KHDRBS2: variants seen among roughly 807,000 people sequenced by gnomAD.
KHDRBS2 encodes the protein KH domain-containing, RNA-binding, signal transduction-associated protein 2.
A neutral mutation model predicts 44.3 loss-of-function variants in KHDRBS2; 26 were observed. That is an observed-to-expected ratio of 0.59 (90% CI 0.43 to 0.81). The LOEUF (loss-of-function observed/expected upper bound fraction) is 0.81. KHDRBS2 is among the 40% of genes least tolerant of loss of function. The probability of loss-of-function intolerance (pLI) is 0.00; values close to 1 mark genes in which losing one functional copy is unlikely to be tolerated. For synonymous variants in KHDRBS2, 194 were observed against 151.1 expected, an observed-to-expected ratio of 1.28 and a Z score of -2.08; for missense variants, 476 against 433.1, an observed-to-expected ratio of 1.10 and a Z score of -0.88.
At chr6:61,955,216 ATG>A (rs879708385) in intron 4 of KHDRBS2, among the ~76,000 whole-genome samples, 5 of 145,188 alleles carry the variant, frequency 3.4e-5, no homozygotes, top group Non-Finnish European at 7.6e-5. Context: ...ATGTATACAT[ATG>A]TGTATATATA....
chr6:62,229,759 CT>C (rs1832593739), intron 1 of KHDRBS2, among the ~76,000 whole-genome samples: 1 of 152,156 alleles, frequency 6.6e-6, no homozygotes, highest in African/African-American at 2.4e-5. Flanking sequence ...TCCCCTGCCC[CT>C]TGTGGCTCTC....
chr6:61,608,569 C>T, the KHDRBS2 span, among the ~76,000 whole-genome samples: 4 of 152,012 alleles, frequency 2.6e-5, no homozygotes, highest in Admixed American at 1.3e-4. Context: ...AGTATCCCTC[C>T]TAATGTTATC....
chr6:61,930,395 G>T (rs1160888965), intron 4 of KHDRBS2, among the ~76,000 whole-genome samples: 1 of 151,806 alleles, frequency 6.6e-6, no homozygotes, highest in African/African-American at 2.4e-5. Flanking sequence ...TGTTAAGAAA[G>T]AACTAGTTCT....
At chr6:62,168,191 C>T (rs1432421950) in intron 2 of KHDRBS2, among the ~76,000 whole-genome samples, 1 of 152,244 alleles carries the variant, frequency 6.6e-6, no homozygotes, top group South Asian at 2.1e-4. Flanking sequence ...GGGAATGTGG[C>T]TGCATTTGAT....
the KHDRBS2 span, among the ~76,000 whole-genome samples, chr6:61,656,311 G>T: frequency 6.6e-6 from 1 of 151,880 alleles, no homozygotes; most frequent in African/African-American, 2.4e-5. Flanking sequence ...GCACTTTTTT[G>T]AGTGCATCAT....
At chr6:62,155,670 T>G (rs1361584334) in intron 2 of KHDRBS2, among the ~76,000 whole-genome samples, 1 of 152,224 alleles carries the variant, frequency 6.6e-6, no homozygotes, top group African/African-American at 2.4e-5. Context: ...GCTAAACTAT[T>G]GTTTCTGTAA....
chr6:61,849,632 G>C (rs1037221820), intron 6 of KHDRBS2, among the ~76,000 whole-genome samples: 1 of 144,362 alleles, frequency 6.9e-6, no homozygotes, highest in African/African-American at 2.5e-5. Context: ...GAGAAACAAA[G>C]TTTTTTTTTT....
intron 1 of KHDRBS2, among the ~76,000 whole-genome samples, chr6:62,249,368 G>A (rs1366789080): frequency 6.6e-6 from 1 of 151,892 alleles, no homozygotes; most frequent in Non-Finnish European, 1.5e-5. Context: ...AAAATAATAA[G>A]AGAATATTTT....
chr6:61,593,581 A>G, the KHDRBS2 span, among the ~76,000 whole-genome samples: 1 of 151,730 alleles, frequency 6.6e-6, no homozygotes, highest in East Asian at 1.9e-4. Flanking sequence ...AATAAATTTT[A>G]GTCTTATTAT....
chr6:62,052,124 C>A (rs1452328860), intron 2 of KHDRBS2, among the ~76,000 whole-genome samples: 2 of 151,968 alleles, frequency 1.3e-5, no homozygotes, highest in Non-Finnish European at 2.9e-5. Flanking sequence ...ACCCAACAAT[C>A]CCTCTCCTGG....
chr6:62,253,846 T>C (rs1836941444), intron 1 of KHDRBS2, among the ~76,000 whole-genome samples: 1 of 151,988 alleles, frequency 6.6e-6, no homozygotes, highest in African/African-American at 2.4e-5. Flanking sequence ...TATTGCAAAA[T>C]CATAAAATTT....
chr6:61,544,927 T>C, the KHDRBS2 span, among the ~76,000 whole-genome samples: 1 of 151,878 alleles, frequency 6.6e-6, no homozygotes, highest in Non-Finnish European at 1.5e-5. Context: ...CTGGGGCCTG[T>C]TGTGAGGTGG....
rs1336102031 is a variant in KHDRBS2, at chr6:62,062,903, G to C, written c.220-14909C>G. Among the ~76,000 whole-genome samples, 564 of 149,322 alleles carry C rather than the reference G, an allele frequency of 3.8e-3. 2 individuals carry two copies. The highest frequency in any genetic ancestry group is 0.013 in the African/African-American group (545 of 40,976). On this transcript the variant is annotated intron_variant, in intron 2 of 8. Transcript: ENST00000281156. ...CTAGCAAGACTAATAAAGAAAAAAA[G>C]AGAGAAGAATCAAATAGACGCAATA...
At chr6:61,611,625 T>C in the KHDRBS2 span, among the ~76,000 whole-genome samples, 1 of 152,222 alleles carries the variant, frequency 6.6e-6, no homozygotes, top group African/African-American at 2.4e-5. Context: ...TAGTGAGTCC[T>C]ATATACAATC....
At chr6:61,946,312 C>T (rs974602396) in intron 4 of KHDRBS2, among the ~76,000 whole-genome samples, 1 of 152,144 alleles carries the variant, frequency 6.6e-6, no homozygotes, top group African/African-American at 2.4e-5. Context: ...TAACAACGCA[C>T]CAAAACCACC....
chr6:61,878,838 C>T (rs1799819534), intron 6 of KHDRBS2, among the ~76,000 whole-genome samples: 1 of 151,960 alleles, frequency 6.6e-6, no homozygotes, highest in South Asian at 2.1e-4. Flanking sequence ...CTCTTCAAAT[C>T]TGTTTGTAAA....
At chr6:62,240,354 C>T (rs1376311354) in intron 1 of KHDRBS2, among the ~76,000 whole-genome samples, 1 of 151,846 alleles carries the variant, frequency 6.6e-6, no homozygotes, top group Non-Finnish European at 1.5e-5. Flanking sequence ...ACATTCTACC[C>T]AGTCCTACCA....
At chr6:61,631,353 TA>T in the KHDRBS2 span, among the ~76,000 whole-genome samples, 2 of 148,064 alleles carry the variant, frequency 1.4e-5, no homozygotes, top group African/African-American at 5.1e-5. Flanking sequence ...TACAGTGTGT[TA>T]CATTTTCTGG....
At chr6:61,863,098 G>C (rs1192985481) in intron 6 of KHDRBS2, among the ~76,000 whole-genome samples, 1 of 151,776 alleles carries the variant, frequency 6.6e-6, no homozygotes, top group Non-Finnish European at 1.5e-5. Context: ...TTCTCTGATG[G>C]TTGTTTGCAT....
Sources: gnomAD v4.1 joint callset for allele counts (sites outside exome capture counted in the v4.1 genomes callset) on GRCh38, gnomAD v4.1.1 for gene constraint, MANE v1.5 for transcripts, NCBI Gene and HGNC (gene_info 2026-07-23, HGNC 2026-07-21) for gene names.